The following FYN variants were observed in gnomAD, a reference collection of about 807,000 sequenced individuals.
FYN encodes the protein FYN proto-oncogene, Src family tyrosine kinase.
A neutral mutation model predicts 70.2 loss-of-function variants in FYN; 10 were observed. That is an observed-to-expected ratio of 0.14 (90% CI 0.09 to 0.24). The LOEUF is 0.24. Ranked by LOEUF, FYN falls within the 10% of genes least tolerant of loss-of-function variation. The pLI is 1.00. For missense variants in FYN, 319 were observed against 673.1 expected, an observed-to-expected ratio of 0.47 and a Z score of 5.82; for synonymous variants, 236 against 248.6, an observed-to-expected ratio of 0.95 and a Z score of 0.48.
intron 3 of FYN, among the ~76,000 whole-genome samples, chr6:111,761,338 T>C (rs1017683620): frequency 6.6e-6 from 1 of 152,234 alleles, no homozygotes; most frequent in East Asian, 1.9e-4. Flanking sequence ...TTGCAAAGCC[T>C]GTTCTTCCTT....
chr6:111,682,598 C>A (rs1357394900), intron 12 of FYN, among the ~76,000 whole-genome samples: 1 of 152,166 alleles, frequency 6.6e-6, no homozygotes, highest in Non-Finnish European at 1.5e-5. Flanking sequence ...CATAAGCCGG[C>A]CAGGAAACGA....
intron 9 of FYN, among the ~76,000 whole-genome samples, chr6:111,699,182 A>T (rs983158714): frequency 6.6e-6 from 1 of 152,214 alleles, no homozygotes; most frequent in Non-Finnish European, 1.5e-5. Context: ...GCTAGTAAGG[A>T]TTCAAACCCA....
At chr6:111,680,110 C>A (rs1038495788) in intron 12 of FYN, among the ~76,000 whole-genome samples, 1 of 152,162 alleles carries the variant, frequency 6.6e-6, no homozygotes, top group Non-Finnish European at 1.5e-5. Context: ...ATGCTTCAAG[C>A]AAGAGAAAGG....
Position 111,700,111 on chromosome 6 carries a change from T to A in FYN, c.855A>T (p.Val285=). ...AATTGAGTCTCAGCATACCCATCCATACTTCCCCAAACTGCCCATTTCCCA... is the reference window on the plus strand; with the variant it reads ...AATTGAGTCTCAGCATACCCATCCAAACTTCCCCAAACTGCCCATTTCCCA... ...KRLGNGQFGE[V]WMGTWNGNTK... Residue 285 remains valine, a synonymous_variant, in exon 9 of 14, where the codon GTA becomes GTT. Transcript: ENST00000354650. The A allele has an allele frequency of 6.2e-7, 1 of 1,614,066 alleles. No individual in the cohort carries two copies. The highest frequency in any genetic ancestry group is 1.1e-5 in the South Asian group (1 of 91,072).
intron 1 of FYN, among the ~76,000 whole-genome samples, chr6:111,869,005 T>C (rs868220636): frequency 1.3e-5 from 2 of 152,210 alleles, no homozygotes; most frequent in Admixed American, 6.5e-5. Context: ...CCCAGTGCCT[T>C]GCACAAAGTA....
At chr6:111,747,798 C>T (rs1261286598) in intron 3 of FYN, among the ~76,000 whole-genome samples, 2 of 152,218 alleles carry the variant, frequency 1.3e-5, no homozygotes, top group African/African-American at 4.8e-5. Flanking sequence ...TACCTATTTG[C>T]TATTTTTCTG....
In FYN at chr6:111,694,788, G is replaced by A; in HGVS notation, c.1043-84C>T. The A allele has an allele frequency of 8.4e-6, 10 of 1,193,902 alleles. No individual in the cohort carries two copies. Among genetic ancestry groups the A allele is most frequent in the Non-Finnish European group, 1.2e-5 (10 of 833,944 alleles). The allele number at this position is 1,193,902 out of a possible 1,614,324, so 74.0% of individuals were successfully genotyped here. On this transcript the variant is annotated intron_variant, in intron 10 of 13. Coordinates refer to ENST00000354650, the MANE Select transcript of FYN (RefSeq NM_002037.5). This position sits in a 1 kb window ranked among gnomAD's most constrained non-coding sequence, Gnocchi z 5.0. Reference sequence around the variant, plus strand: ...GCTGTATTTGGTTTTCTTATTAAAAGTAATAAGGTAGTCAAATGGAATAAT... The same window carrying A: ...GCTGTATTTGGTTTTCTTATTAAAAATAATAAGGTAGTCAAATGGAATAAT...
chr6:111,703,095 G>A, intron 7 of FYN, 61 bp from the exon 8 acceptor site: 4 of 1,535,698 alleles, frequency 2.6e-6, no homozygotes, highest in Non-Finnish European at 3.6e-6. Flanking sequence ...TGCTTTTTAG[G>A]CCTCATTTTC....
intron 3 of FYN, among the ~76,000 whole-genome samples, chr6:111,772,268 A>C (rs1230424730): frequency 1.3e-5 from 2 of 152,184 alleles, no homozygotes; most frequent in Non-Finnish European, 2.9e-5. Flanking sequence ...TCACTGCAAA[A>C]ATATGAAGGC....
intron 2 of FYN, among the ~76,000 whole-genome samples, chr6:111,786,533 T>C (rs1361405827): frequency 6.6e-6 from 1 of 152,262 alleles, no homozygotes; most frequent in African/African-American, 2.4e-5. Context: ...TGTATCTTTA[T>C]AGCAGCATGA....
intron 3 of FYN, among the ~76,000 whole-genome samples, chr6:111,723,808 C>T (rs1801064439): frequency 6.6e-6 from 1 of 152,192 alleles, no homozygotes; most frequent in African/African-American, 2.4e-5. Flanking sequence ...TGCATCGTGA[C>T]ATAGAATGTA....
chr6:111,707,241 G>T (rs1050088998), intron 6 of FYN, among the ~76,000 whole-genome samples: 1 of 152,198 alleles, frequency 6.6e-6, no homozygotes, highest in Non-Finnish European at 1.5e-5. Context: ...TTCCCCTTGG[G>T]AGTGCCTGTT....
chr6:111,812,245 G>C (rs183061233), intron 2 of FYN, among the ~76,000 whole-genome samples: 127 of 152,312 alleles, frequency 8.3e-4, no homozygotes, highest in African/African-American at 3.0e-3. Flanking sequence ...GGGCAGGAGT[G>C]GGGGTGACAA....
chr6:111,792,268 A>G (rs764596759), intron 2 of FYN, among the ~76,000 whole-genome samples: 5 of 152,258 alleles, frequency 3.3e-5, no homozygotes, highest in African/African-American at 4.8e-5. Flanking sequence ...GCCATCAAAT[A>G]AAAGCAAATT....
chr6:111,806,278 T>A (rs1012461292), intron 2 of FYN, among the ~76,000 whole-genome samples: 2 of 151,962 alleles, frequency 1.3e-5, no homozygotes, highest in Non-Finnish European at 2.9e-5. Flanking sequence ...GAACCATCTC[T>A]CTCTTTCCAG....
chr6:111,685,290 G>C (rs1324772857), intron 12 of FYN, among the ~76,000 whole-genome samples: 1 of 152,244 alleles, frequency 6.6e-6, no homozygotes. Flanking sequence ...ATGACGAGCT[G>C]GGCTGCATGG....
chr6:111,809,689 G>A lies in FYN; in HGVS notation c.-81-29054C>T, dbSNP rs187665390. Among the ~76,000 whole-genome samples the A allele has an allele frequency of 5.3e-5, 8 of 152,226 alleles. 1 individual carries two copies. In the East Asian group the frequency reaches 1.2e-3, roughly 22 times the overall value. On this transcript the variant is annotated intron_variant, in intron 2 of 13. Transcript: ENST00000354650. The stretch of plus-strand genomic sequence containing the variant: ...ACTGGGGAGGTGTGGCCTTAGGCTC[G>A]GAGCCTTCAGGCATGGGCCTCTCTT...
intron 2 of FYN, among the ~76,000 whole-genome samples, chr6:111,801,577 T>A (rs1771986148): frequency 6.6e-6 from 1 of 152,208 alleles, no homozygotes; most frequent in Admixed American, 6.5e-5. Context: ...CTTAGACACA[T>A]CAGTGAATAC....
At chr6:111,838,996 G>A (rs1260934859) in intron 2 of FYN, among the ~76,000 whole-genome samples, 1 of 152,082 alleles carries the variant, frequency 6.6e-6, no homozygotes, top group Admixed American at 6.5e-5. Context: ...TCTGTCTTGG[G>A]GCCTACCTCA....
Sources: allele counts gnomAD v4.1 joint callset (sites outside exome capture counted in the v4.1 genomes callset), GRCh38; gene constraint gnomAD v4.1.1; non-coding constraint Gnocchi (gnomAD v3.1); transcripts MANE v1.5; gene names NCBI Gene and HGNC (gene_info 2026-07-23, HGNC 2026-07-21).